Variants in NFATC3 observed in about 807,000 individuals in gnomAD.
NFATC3 encodes the protein nuclear factor of activated T cells 3, also known as nuclear factor of activated T-cells, cytoplasmic 3.
Under a neutral mutation model 98.6 loss-of-function variants are expected in NFATC3, and 46 were observed. The ratio of observed to expected loss-of-function variants is 0.47; its 90% CI spans 0.37 to 0.60. The LOEUF is 0.60. Among genes scored for constraint, NFATC3 ranks in the 20% least tolerant of loss-of-function variants. NFATC3 has a pLI of 0.00. For missense variants in NFATC3, 1,256 were observed against 1,295.5 expected (o/e 0.97, Z 0.47); for synonymous variants, 512 against 472.2 (o/e 1.08, Z -1.09).
At chr16:68,126,359 G>A (rs1489361787) in intron 2 of NFATC3, 89 bp from the exon 3 acceptor site, 5 of 1,244,070 alleles carry the variant, frequency 4.0e-6, no homozygotes, top group Non-Finnish European at 5.6e-6. Flanking sequence ...ATCAAAGGAA[G>A]AAATGTTGGT....
At chr16:68,210,078 A>T (rs1031877444) in intron 9 of NFATC3, among the ~76,000 whole-genome samples, 1 of 152,116 alleles carries the variant, frequency 6.6e-6, no homozygotes, top group Non-Finnish European at 1.5e-5. Flanking sequence ...TGGGCGGATC[A>T]CGAGGTCGGG....
chr16:68,217,695 T>G, intron 9 of NFATC3: 1 of 1,231,594 alleles, frequency 8.1e-7, no homozygotes, highest in African/African-American at 1.6e-5. Context: ...AATTTGTTGT[T>G]CCTCTTTCTC....
chr16:68,146,859 T>A (rs2038062430), intron 3 of NFATC3, among the ~76,000 whole-genome samples: 1 of 152,272 alleles, frequency 6.6e-6, no homozygotes. Context: ...AGATTACTGA[T>A]ACTGGTGAAA....
intron 3 of NFATC3, 61 bp from the exon 4 acceptor site, chr16:68,157,808 G>A: frequency 7.6e-7 from 1 of 1,319,190 alleles, no homozygotes; most frequent in South Asian, 1.3e-5. Flanking sequence ...ACTATTGTTG[G>A]CATATTGTAA....
intron 1 of NFATC3, among the ~76,000 whole-genome samples, chr16:68,121,248 T>TC (rs1289173347): frequency 6.8e-6 from 1 of 146,158 alleles, no homozygotes; most frequent in African/African-American, 2.5e-5. Flanking sequence ...TTTTCTTTTT[T>TC]TTTTTTTTTT....
chr16:68,139,944 G>T (rs1431532146), intron 3 of NFATC3, among the ~76,000 whole-genome samples: 1 of 152,074 alleles, frequency 6.6e-6, no homozygotes, highest in African/African-American at 2.4e-5. Context: ...GTTGAATCAG[G>T]TACTTATTTT....
At chr16:68,101,888 T>C (rs970638929) in intron 1 of NFATC3, among the ~76,000 whole-genome samples, 1 of 152,194 alleles carries the variant, frequency 6.6e-6, no homozygotes, top group Non-Finnish European at 1.5e-5. Context: ...CCTTCTAAAC[T>C]AATCTGGATT....
chr16:68,176,480 T>C (rs1291542185), intron 6 of NFATC3, among the ~76,000 whole-genome samples: 1 of 152,182 alleles, frequency 6.6e-6, no homozygotes, highest in Admixed American at 6.5e-5. Context: ...CTATAAAGTT[T>C]TTCGTTGTAT....
chr16:68,103,210 T>G (rs916438947), intron 1 of NFATC3, among the ~76,000 whole-genome samples: 2 of 151,106 alleles, frequency 1.3e-5, no homozygotes, highest in Non-Finnish European at 2.9e-5. Flanking sequence ...TTATTATTAT[T>G]ATTTTCTTCT....
intron 1 of NFATC3, among the ~76,000 whole-genome samples, chr16:68,111,419 T>TTTTGTCAGAA (rs1222351119): frequency 4.6e-5 from 7 of 152,186 alleles, no homozygotes; most frequent in Non-Finnish European, 1.0e-4. Flanking sequence ...TTAAAATCTG[T>TTTTGTCAGAA]TTTGTCAGAA....
chr16:68,191,697 G>A lies in NFATC3; in HGVS notation c.3028G>A (p.Val1010Met). The A allele has an allele frequency of 6.2e-7, 1 of 1,614,134 alleles. No individual in the cohort carries two copies. The highest frequency in any genetic ancestry group is 8.5e-7 in the Non-Finnish European group (1 of 1,180,034). Residue 1010 changes from valine (V) to methionine (M), a missense_variant, in exon 9 of 10, where the codon GTG (valine) becomes ATG (methionine). Coordinates refer to ENST00000346183, the MANE Select transcript of NFATC3 (RefSeq NM_173165.3). ...GTCATTTCCACCTGATGGGGCAACT[G>A]TGAGCATTAAACCTGAACCAGAAGA... ...PASFPPDGAT[V>M]SIKPEPEDRE...
intron 3 of NFATC3, among the ~76,000 whole-genome samples, chr16:68,130,237 C>T (rs886207095): frequency 2.0e-5 from 3 of 152,114 alleles, no homozygotes; most frequent in African/African-American, 7.2e-5. Flanking sequence ...ATACTGTTTT[C>T]TGTAATGGCT....
At chr16:68,177,959 CCTT>C (rs1185884765) in intron 6 of NFATC3, among the ~76,000 whole-genome samples, 9 of 152,176 alleles carry the variant, frequency 5.9e-5, no homozygotes, top group East Asian at 3.8e-4. Context: ...TACTTACTCT[CCTT>C]CTTAACACTT....
chr16:68,115,672 C>A lies in NFATC3; in HGVS notation c.104-6315C>A, dbSNP rs112769129. ...ACTCCTGATCTCAAGTGATCTGCCC[C>A]CTTTGGCCTCCCAAAGTGCTGGAAT... is the stretch of plus-strand genomic sequence containing the variant. On this transcript the variant is annotated intron_variant, in intron 1 of 9. Coordinates refer to ENST00000346183, the MANE Select transcript of NFATC3 (RefSeq NM_173165.3). Among the ~76,000 whole-genome samples, 1,208 of 152,080 alleles carry A rather than the reference C, an allele frequency of 7.9e-3. 16 individuals carry two copies. Among genetic ancestry groups the A allele is most frequent in the African/African-American group, 0.027 (1,134 of 41,488 alleles).
chr16:68,136,845 A>C (rs1307240982), intron 3 of NFATC3, among the ~76,000 whole-genome samples: 2 of 152,312 alleles, frequency 1.3e-5, no homozygotes, highest in East Asian at 3.9e-4. Context: ...AGCCTGGGCA[A>C]CATGTTGAGA....
At chr16:68,219,803 G>C (rs1428288427) in intron 9 of NFATC3, among the ~76,000 whole-genome samples, 1 of 152,140 alleles carries the variant, frequency 6.6e-6, no homozygotes, top group Admixed American at 6.5e-5. Context: ...ATGGCAGTGT[G>C]TATCTACTCC....
intron 1 of NFATC3, among the ~76,000 whole-genome samples, chr16:68,107,370 GTA>G (rs1357406282): frequency 8.5e-5 from 13 of 152,168 alleles, no homozygotes; most frequent in Admixed American, 2.6e-4. Flanking sequence ...CCTACCAAGA[GTA>G]TAAAAGCCTT....
intron 9 of NFATC3, among the ~76,000 whole-genome samples, chr16:68,219,728 C>G (rs867618723): frequency 6.6e-6 from 1 of 152,120 alleles, no homozygotes; most frequent in African/African-American, 2.4e-5. Context: ...TAAATGGAGT[C>G]TAAAAATACC....
chr16:68,191,615 C>T lies in NFATC3; in HGVS notation c.2946C>T (p.Gly982=). 6.2e-7 allele frequency: 1 copy of T among 1,614,078 alleles called. No homozygotes were observed. Among genetic ancestry groups the T allele is most frequent in the Non-Finnish European group, 8.5e-7 (1 of 1,180,012 alleles). The change falls in exon 9 of 10, where the codon GGC becomes GGT. Residue 982 remains glycine, a synonymous_variant. Coordinates refer to ENST00000346183, the MANE Select transcript of NFATC3 (RefSeq NM_173165.3). ...ACTCAACTCAAGCACAAAGTACGGG[C>T]CAGGGGGGTCTTTCTGCACCTTCAT... ...GQHSTQAQST[G]QGGLSAPSSL... is the part of the protein sequence containing the mutation.
Sources: gnomAD v4.1 joint callset for allele counts (sites outside exome capture counted in the v4.1 genomes callset) on GRCh38, gnomAD v4.1.1 for gene constraint, MANE v1.5 for transcripts, NCBI Gene and HGNC (gene_info 2026-07-23, HGNC 2026-07-21) for gene names.